The following ADD1 variants were observed in gnomAD, a reference collection of about 807,000 sequenced individuals.
ADD1 encodes adducin 1.
In ADD1, 24 loss-of-function variants were observed where a neutral mutation model predicts 80.5. That is an observed-to-expected ratio of 0.30 (90% CI 0.22 to 0.42). The LOEUF is 0.42. Ranked by LOEUF, ADD1 falls within the 10% of genes least tolerant of loss-of-function variation. The probability of loss-of-function intolerance (pLI) is 1.00; values close to 1 mark genes in which losing one functional copy is unlikely to be tolerated. For synonymous variants in ADD1, 373 were observed against 393.8 expected (o/e 0.95, Z 0.63); for missense variants, 948 against 1,019.0 (o/e 0.93, Z 0.95).
At position 2,913,928 on chromosome 4, in the gene ADD1, G is replaced by A. The variant is rs558555390; in HGVS notation, c.1792-956G>A. ...CTCCAGGGTAGCCGGGCGTGGTGGC[G>A]GGCGCCTGTAGTCCCAGCTACTCGG... On this transcript the variant is annotated intron_variant, in intron 13 of 15. Coordinates refer to ENST00000683351, the MANE Select transcript of ADD1 (RefSeq NM_001354761.2). 1.5e-4 allele frequency among the ~76,000 whole-genome samples: 23 copies of A among 151,956 alleles called. No homozygotes were observed. The South Asian group carries it at 4.4e-3, about 29-fold the overall frequency.
intron 12 of ADD1, 28 bp downstream of exon 12, chr4:2,908,632 A>T (rs1737463255): frequency 6.3e-7 from 1 of 1,591,354 alleles, no homozygotes. Context: ...CTCTGACTTT[A>T]GTGGGTGGTG....
intron 1 of ADD1, among the ~76,000 whole-genome samples, chr4:2,863,437 T>C (rs1182063085): frequency 6.6e-6 from 1 of 152,128 alleles, no homozygotes; most frequent in Non-Finnish European, 1.5e-5. Flanking sequence ...AAGCAAATTA[T>C]ATATATGAGA....
At position 2,861,765 on chromosome 4, in the gene ADD1, C is replaced by T. The variant is rs531018931; in HGVS notation, c.-20-14131C>T. Among the ~76,000 whole-genome samples, 189 of 152,118 alleles carry T rather than the reference C, an allele frequency of 1.2e-3. 2 individuals are homozygous for T. The highest frequency in any genetic ancestry group is 4.2e-3 in the African/African-American group (174 of 41,498). On this transcript the variant is annotated intron_variant, in intron 1 of 15. Transcript: ENST00000683351. ...CTATCTAGGTGGCTCTAATGTATGA[C>T]GAGGGCTGAGAACCACTGGTGGAGG...
intron 2 of ADD1, 108 bp from the exon 3 acceptor site, chr4:2,881,790 C>A: frequency 1.2e-6 from 1 of 849,332 alleles, no homozygotes; most frequent in Non-Finnish European, 1.8e-6. Context: ...GTTTGCCTTT[C>A]CAGCACTGGA....
intron 14 of ADD1, among the ~76,000 whole-genome samples, chr4:2,924,884 A>G (rs866258079): frequency 6.6e-6 from 1 of 152,204 alleles, no homozygotes; most frequent in South Asian, 2.1e-4. Context: ...GTACACAGAC[A>G]TGTGTCTGCC....
At chr4:2,875,102 G>A (rs1005990339) in intron 1 of ADD1, among the ~76,000 whole-genome samples, 1 of 152,072 alleles carries the variant, frequency 6.6e-6, no homozygotes, top group Non-Finnish European at 1.5e-5. Context: ...GGCGGTGCAC[G>A]CTGATAGTCC....
intron 12 of ADD1, chr4:2,909,009 G>A (rs1276502669): frequency 2.2e-6 from 1 of 453,340 alleles, no homozygotes; most frequent in Non-Finnish European, 4.0e-6. Context: ...GTGGGTGCCT[G>A]TAAGTGTGGT....
At chr4:2,875,730 T>C (rs1327009898) in intron 1 of ADD1, among the ~76,000 whole-genome samples, 166 bp from the exon 2 acceptor site, 1 of 152,200 alleles carries the variant, frequency 6.6e-6, no homozygotes, top group Non-Finnish European at 1.5e-5. Flanking sequence ...TGATCAGCCA[T>C]GTGCCTCTGA....
At position 2,844,037 on chromosome 4, in the gene ADD1, AGCGGGGGCG is replaced by A. The variant is rs1029560196; in HGVS notation, c.-21+22_-21+30del. Reference sequence around the variant, plus strand: ...ATTCGCTTCTGAGGTGAGGCTAGCTAGCGGGGGCGGCGGGGGCCCGGTTCGGGCTGAGGC... The same window carrying A: ...ATTCGCTTCTGAGGTGAGGCTAGCTAGCGGGGGCCCGGTTCGGGCTGAGGC... On this transcript the variant is annotated intron_variant, in intron 1 of 15. Coordinates refer to ENST00000683351, the MANE Select transcript of ADD1 (RefSeq NM_001354761.2). 3 of 148,238 alleles carry A rather than the reference AGCGGGGGCG, an allele frequency of 2.0e-5. No homozygotes were observed. Among genetic ancestry groups the A allele is most frequent in the Non-Finnish European group, 3.0e-5 (2 of 67,014 alleles). The allele number at this position is 148,238 out of a possible 1,614,324, so 9.2% of individuals were successfully genotyped here. A position where few individuals can be genotyped will look rare whatever the true frequency, so the allele number is the denominator to read the frequency against.
rs903496588 is a variant in ADD1, at chr4:2,899,351, G to T, written c.1077G>T (p.Pro359=). 3 of 1,614,184 alleles carry T rather than the reference G, an allele frequency of 1.9e-6. No homozygotes were observed. The highest frequency in any genetic ancestry group is 2.2e-5 in the South Asian group (2 of 91,084). ...CCAAGTCCCGTTCCCCAGGGTCTCC[G>T]GTAGGGGAAGGCACTGGATCGCCTC... is the stretch of plus-strand genomic sequence containing the variant. ...YKAKSRSPGS[P]VGEGTGSPPK... is the part of the protein sequence containing the mutation. Residue 359 remains proline (P), a synonymous_variant, in exon 9 of 16, where the codon CCG becomes CCT. Transcript: ENST00000683351.
At position 2,928,746 on chromosome 4, in the gene ADD1, G is replaced by C; in HGVS notation, c.*223G>C. On this transcript the variant is annotated 3_prime_UTR_variant, in exon 16 of 16. Coordinates refer to ENST00000683351, the MANE Select transcript of ADD1 (RefSeq NM_001354761.2). ...TGTCCTCTCAGAGCCTCAGCTTCTG[G>C]GGGAGACATGCTCTCCCCACAGGGG... is the stretch of plus-strand genomic sequence containing the variant. 1 of 537,112 alleles carries C rather than the reference G, an allele frequency of 1.9e-6. No homozygotes were observed. Among genetic ancestry groups the C allele is most frequent in the Non-Finnish European group, 3.2e-6 (1 of 310,002 alleles). 33.3% of individuals were successfully genotyped at this position (537,112 alleles called of 1,614,324 possible). A position where few individuals can be genotyped will look rare whatever the true frequency, so the allele number is the denominator to read the frequency against.
intron 14 of ADD1, among the ~76,000 whole-genome samples, chr4:2,918,946 T>C (rs1017698650): frequency 2.6e-5 from 4 of 152,016 alleles, no homozygotes; most frequent in Non-Finnish European, 5.9e-5. Flanking sequence ...CCACCTCCTG[T>C]GTTCAAGCCT....
chr4:2,920,423 G>A (rs1377113820), intron 14 of ADD1, among the ~76,000 whole-genome samples: 2 of 152,172 alleles, frequency 1.3e-5, no homozygotes, highest in South Asian at 2.1e-4. Flanking sequence ...AATATTGAAA[G>A]TGGGATGTTA....
intron 13 of ADD1, among the ~76,000 whole-genome samples, chr4:2,913,118 G>T (rs1738368472): frequency 6.6e-6 from 1 of 152,214 alleles, no homozygotes; most frequent in African/African-American, 2.4e-5. Context: ...AAAGTGCTGG[G>T]ATTACAGGTG....
At chr4:2,905,311 G>A (rs968344689) in intron 10 of ADD1, 3 of 591,884 alleles carry the variant, frequency 5.1e-6, no homozygotes, top group Non-Finnish European at 9.0e-6. Context: ...TGCTTAAGAT[G>A]TAATGTAACT....
At chr4:2,845,569 G>A (rs1279323256) in intron 1 of ADD1, among the ~76,000 whole-genome samples, 1 of 152,182 alleles carries the variant, frequency 6.6e-6, no homozygotes. Context: ...AAGTTTCGGA[G>A]AGTCGCTGAG....
At chr4:2,889,314 T>C (rs183983951) in intron 4 of ADD1, among the ~76,000 whole-genome samples, 1 of 152,330 alleles carries the variant, frequency 6.6e-6, no homozygotes, top group East Asian at 1.9e-4. Context: ...ATGAGACTTC[T>C]ATACTATACA....
At chr4:2,915,177 G>T in intron 14 of ADD1, 137 bp downstream of exon 14, 1 of 1,006,782 alleles carries the variant, frequency 9.9e-7, no homozygotes, top group Non-Finnish European at 1.4e-6. Flanking sequence ...ACTTTATCCA[G>T]TACTCATTTC....
intron 6 of ADD1, among the ~76,000 whole-genome samples, chr4:2,895,960 T>C (rs1316000950): frequency 6.6e-6 from 1 of 151,676 alleles, no homozygotes; most frequent in Non-Finnish European, 1.5e-5. Flanking sequence ...CGATCGCGGC[T>C]CACTGCAAGC....
Sources: allele counts gnomAD v4.1 joint callset (sites outside exome capture counted in the v4.1 genomes callset), GRCh38; gene constraint gnomAD v4.1.1; transcripts MANE v1.5; gene names NCBI Gene and HGNC (gene_info 2026-07-23, HGNC 2026-07-21).